The following CPEB1 variants were observed in gnomAD, a reference collection of about 807,000 sequenced individuals.
CPEB1 encodes the protein cytoplasmic polyadenylation element binding protein 1, also known as cytoplasmic polyadenylation element-binding protein 1.
CPEB1 carries 7 observed loss-of-function variants against 65.8 expected under a neutral mutation model. The ratio of observed to expected loss-of-function variants is 0.11; its 90% CI spans 0.06 to 0.20. The LOEUF (loss-of-function observed/expected upper bound fraction) is 0.20, where lower values mean the gene tolerates loss of function less well. Among genes scored for constraint, CPEB1 ranks in the 10% least tolerant of loss-of-function variants. The probability of loss-of-function intolerance (pLI) is 1.00; values close to 1 mark genes in which losing one functional copy is unlikely to be tolerated. For missense variants in CPEB1, 551 were observed against 712.2 expected (o/e 0.77, Z 2.58); for synonymous variants, 262 against 260.0 (o/e 1.01, Z -0.08).
intron 4 of CPEB1, among the ~76,000 whole-genome samples, chr15:82,566,413 C>G (rs1250217876): frequency 6.6e-6 from 1 of 152,194 alleles, no homozygotes; most frequent in African/African-American, 2.4e-5. Context: ...GTTGCTTACT[C>G]AGGATCTCTC....
intron 4 of CPEB1, among the ~76,000 whole-genome samples, chr15:82,563,825 T>C (rs2038652591): frequency 1.3e-5 from 2 of 152,192 alleles, no homozygotes; most frequent in South Asian, 4.1e-4. Flanking sequence ...TGAAATTATT[T>C]CCATTTTTTT....
At chr15:82,613,864 G>A (rs978034201) in intron 3 of CPEB1, among the ~76,000 whole-genome samples, 2 of 149,988 alleles carry the variant, frequency 1.3e-5, no homozygotes, top group East Asian at 2.0e-4. Context: ...ACCCCGCCCC[G>A]CTCCCCCCTC....
In CPEB1 at chr15:82,553,946, C is replaced by T. The variant is rs777735904; in HGVS notation, c.986G>A (p.Arg329Gln). The T allele has an allele frequency of 2.5e-6, 4 of 1,611,672 alleles. No homozygotes were observed. The highest frequency in any genetic ancestry group is 2.5e-6 in the Non-Finnish European group (3 of 1,179,270). ...TCTWSGQLPP[R>Q]NYKNPIYSCK... Reference sequence around the variant, plus strand: ...AGAGTAGATGGGGTTCTTATAGTTCCGGGGAGGAAGCTGGCCACTCCAGGT... The same window carrying T: ...AGAGTAGATGGGGTTCTTATAGTTCTGGGGAGGAAGCTGGCCACTCCAGGT... The change falls in exon 7 of 13, where the codon CGG (arginine) becomes CAG (glutamine). Residue 329 changes from arginine to glutamine, a missense_variant. Transcript: ENST00000684509.
chr15:82,582,965 TCTC>T (rs938159583), intron 3 of CPEB1, among the ~76,000 whole-genome samples: 14 of 151,862 alleles, frequency 9.2e-5, no homozygotes, highest in African/African-American at 2.9e-4. Flanking sequence ...ATGGTCTTGA[TCTC>T]CTGACCTTGT....
At chr15:82,589,299 C>G (rs1237356561) in intron 3 of CPEB1, among the ~76,000 whole-genome samples, 1 of 152,240 alleles carries the variant, frequency 6.6e-6, no homozygotes, top group Non-Finnish European at 1.5e-5. Context: ...ACATGGCTGA[C>G]TACTTGTTAT....
At chr15:82,628,615 A>T (rs1045656808) in intron 1 of CPEB1, 59 bp from the exon 2 acceptor site, 4 of 595,170 alleles carry the variant, frequency 6.7e-6, no homozygotes, top group Non-Finnish European at 8.9e-6. Context: ...ACAGAAATGA[A>T]AAAGCAAAAA....
chr15:82,570,138 C>G (rs908982559), intron 4 of CPEB1, among the ~76,000 whole-genome samples: 1 of 152,144 alleles, frequency 6.6e-6, no homozygotes, highest in African/African-American at 2.4e-5. Context: ...TTCAATACCC[C>G]TCTCCTAAAT....
At chr15:82,562,987 G>T (rs1247941610) in intron 4 of CPEB1, among the ~76,000 whole-genome samples, 2 of 152,162 alleles carry the variant, frequency 1.3e-5, no homozygotes, top group Admixed American at 6.5e-5. Flanking sequence ...AAAACACTGG[G>T]TGGGAGTGGA....
intron 3 of CPEB1, among the ~76,000 whole-genome samples, chr15:82,577,000 G>A (rs2040717948): frequency 6.6e-6 from 1 of 152,176 alleles, no homozygotes; most frequent in African/African-American, 2.4e-5. Context: ...ACTCCAGCCT[G>A]GGTGACAGAG....
intron 4 of CPEB1, 73 bp from the exon 5 acceptor site, chr15:82,558,059 C>G (rs919073106): frequency 1.9e-6 from 2 of 1,063,626 alleles, no homozygotes; most frequent in East Asian, 2.4e-5. Flanking sequence ...TCTTCTCCTA[C>G]AGCCACCCAA....
At chr15:82,569,448 G>C (rs776263707) in intron 4 of CPEB1, among the ~76,000 whole-genome samples, 2 of 152,190 alleles carry the variant, frequency 1.3e-5, no homozygotes, top group Non-Finnish European at 2.9e-5. Context: ...TGAGGCTCAG[G>C]CTGCAGTCCC....
chr15:82,600,277 A>G (rs756351775), intron 3 of CPEB1, among the ~76,000 whole-genome samples: 3 of 152,208 alleles, frequency 2.0e-5, no homozygotes, highest in African/African-American at 4.8e-5. Flanking sequence ...ATAAATGCCA[A>G]TCAAGAATTG....
intron 3 of CPEB1, among the ~76,000 whole-genome samples, chr15:82,602,350 G>A (rs966715820): frequency 3.9e-5 from 6 of 152,270 alleles, no homozygotes; most frequent in African/African-American, 1.4e-4. Context: ...AATCCATGCT[G>A]AGCGGGAAAT....
chr15:82,641,079 G>T (rs1320321983), intron 1 of CPEB1, among the ~76,000 whole-genome samples: 1 of 152,026 alleles, frequency 6.6e-6, no homozygotes, highest in Non-Finnish European at 1.5e-5. Flanking sequence ...TATAAAATTA[G>T]GGTAATCACT....
intron 3 of CPEB1, among the ~76,000 whole-genome samples, chr15:82,609,974 C>T (rs1015567549): frequency 3.1e-4 from 47 of 150,812 alleles, no homozygotes; most frequent in African/African-American, 9.2e-4. Flanking sequence ...GCGGGAGAAT[C>T]GCTTGAACCT....
intron 3 of CPEB1, among the ~76,000 whole-genome samples, chr15:82,617,585 T>C (rs887174794): frequency 3.3e-5 from 5 of 152,160 alleles, no homozygotes; most frequent in East Asian, 1.9e-4. Context: ...ACAGTATCAA[T>C]ATTGCTTCAC....
At chr15:82,583,361 A>G (rs1476516698) in intron 3 of CPEB1, 7 of 152,156 alleles carry the variant, frequency 4.6e-5, no homozygotes, top group Non-Finnish European at 8.8e-5. Flanking sequence ...ACAATGAAAC[A>G]TTACTTTACC....
At chr15:82,633,964 T>TA (rs112776351) in intron 1 of CPEB1, among the ~76,000 whole-genome samples, 22,304 of 133,100 alleles carry the variant, frequency 0.17, 1,709 homozygotes, top group Non-Finnish European at 0.21. Context: ...CCTAAAGGTA[T>TA]AAAAAAAAAA....
chr15:82,629,425 A>G lies in CPEB1; in HGVS notation c.-97-869T>C, dbSNP rs1245700326. Reference sequence around the variant, plus strand: ...ACTGGCATGAGAAGATGGGTAAGACATTACCGAATGAAAAAAGAACTCCTA... The same window carrying G: ...ACTGGCATGAGAAGATGGGTAAGACGTTACCGAATGAAAAAAGAACTCCTA... On this transcript the variant is annotated intron_variant, in intron 1 of 12. Transcript: ENST00000684509. 3 of 983,560 alleles carry G rather than the reference A, an allele frequency of 3.1e-6. No homozygotes were observed. The African/African-American group carries it at 5.3e-5, about 17-fold the overall frequency. The allele number at this position is 983,560 out of a possible 1,614,324, so 60.9% of individuals were successfully genotyped here.
Sources: allele counts gnomAD v4.1 joint callset (sites outside exome capture counted in the v4.1 genomes callset), GRCh38; gene constraint gnomAD v4.1.1; transcripts MANE v1.5; gene names NCBI Gene and HGNC (gene_info 2026-07-23, HGNC 2026-07-21).